Variants in GRIK2 observed in about 807,000 individuals in gnomAD.
GRIK2 encodes glutamate receptor ionotropic, kainate 2.
A neutral mutation model predicts 100.3 loss-of-function variants in GRIK2; 32 were observed. That is an observed-to-expected ratio of 0.32 (90% CI 0.24 to 0.43). The LOEUF (loss-of-function observed/expected upper bound fraction) is 0.43, where lower values mean the gene tolerates loss of function less well. Ranked by LOEUF, GRIK2 falls within the 20% of genes least tolerant of loss-of-function variation. The probability of loss-of-function intolerance (pLI) is 1.00; values close to 1 mark genes in which losing one functional copy is unlikely to be tolerated. For missense variants in GRIK2, 843 were observed against 1,114.9 expected (o/e 0.76, Z 3.47); for synonymous variants, 417 against 389.4 (o/e 1.07, Z -0.83).
At chr6:101,513,581 T>A (rs898596818) in intron 2 of GRIK2, among the ~76,000 whole-genome samples, 1 of 152,180 alleles carries the variant, frequency 6.6e-6, no homozygotes, top group Non-Finnish European at 1.5e-5. Context: ...TATTTTGATG[T>A]TCTTCTTTAT....
chr6:102,047,652 G>A (rs970179491), intron 15 of GRIK2, among the ~76,000 whole-genome samples: 2 of 151,874 alleles, frequency 1.3e-5, no homozygotes, highest in Admixed American at 1.3e-4. Context: ...AGGAGGGTGA[G>A]GCAGGAGAAT....
intron 10 of GRIK2, among the ~76,000 whole-genome samples, chr6:101,828,320 A>C (rs1304007844): frequency 6.6e-6 from 1 of 151,984 alleles, no homozygotes; most frequent in Non-Finnish European, 1.5e-5. Flanking sequence ...GCCTACATCA[A>C]GAAGATAGAA....
intron 4 of GRIK2, among the ~76,000 whole-genome samples, chr6:101,648,066 G>T (rs1180590874): frequency 6.6e-6 from 1 of 152,002 alleles, no homozygotes; most frequent in African/African-American, 2.4e-5. Flanking sequence ...ATGTCCCCTA[G>T]AGGCAACATC....
intron 7 of GRIK2, among the ~76,000 whole-genome samples, chr6:101,748,240 A>G (rs1562354339): frequency 6.6e-6 from 1 of 152,210 alleles, no homozygotes; most frequent in Non-Finnish European, 1.5e-5. Context: ...GAAGTAGACT[A>G]AGATGCATTC....
chr6:101,742,397 A>G (rs1314065502), intron 7 of GRIK2, among the ~76,000 whole-genome samples: 1 of 152,176 alleles, frequency 6.6e-6, no homozygotes, highest in African/African-American at 2.4e-5. Flanking sequence ...AGGTGTCAAC[A>G]AAAAGAGTCA....
intron 16 of GRIK2, among the ~76,000 whole-genome samples, chr6:102,057,670 A>G (rs1241464975): frequency 1.3e-5 from 2 of 151,890 alleles, no homozygotes; most frequent in Non-Finnish European, 2.9e-5. Context: ...AAAGAAATCC[A>G]AATTCCTTAG....
intron 14 of GRIK2, among the ~76,000 whole-genome samples, chr6:101,988,934 T>C (rs1204224241): frequency 6.6e-6 from 1 of 151,608 alleles, no homozygotes; most frequent in African/African-American, 2.4e-5. Flanking sequence ...AAAGTCTCAA[T>C]AAAGAGTGAA....
intron 15 of GRIK2, among the ~76,000 whole-genome samples, chr6:102,044,413 G>A (rs767968905): frequency 1.3e-5 from 2 of 151,924 alleles, no homozygotes; most frequent in Non-Finnish European, 2.9e-5. Context: ...TACCCAAGAC[G>A]GGATAAAAAG....
At chr6:101,483,062 C>A (rs1280571128) in intron 2 of GRIK2, among the ~76,000 whole-genome samples, 1 of 152,158 alleles carries the variant, frequency 6.6e-6, no homozygotes, top group Non-Finnish European at 1.5e-5. Context: ...TGTTGAAAAA[C>A]TTTACAAATA....
chr6:101,512,806 C>T lies in GRIK2; in HGVS notation c.116-109143C>T, dbSNP rs1258870791. 7.9e-5 allele frequency among the ~76,000 whole-genome samples: 12 copies of T among 151,720 alleles called. 1 individual carries two copies. The highest frequency in any genetic ancestry group is 6.2e-4 in the South Asian group (3 of 4,820). On this transcript the variant is annotated intron_variant, in intron 2 of 16. Transcript: ENST00000369134. ...TAAAGAATCATTATATTTTAAATGT[C>T]GTTTTCAAGAAATTCACTCCTTTAA...
At chr6:101,662,475 C>A (rs1769700916) in intron 4 of GRIK2, among the ~76,000 whole-genome samples, 1 of 152,120 alleles carries the variant, frequency 6.6e-6, no homozygotes, top group Non-Finnish European at 1.5e-5. Context: ...CTGATTGCAA[C>A]TATGAAACTC....
intron 2 of GRIK2, among the ~76,000 whole-genome samples, chr6:101,481,717 A>C (rs146246130): frequency 1.9e-3 from 282 of 152,222 alleles, no homozygotes; most frequent in Middle Eastern, 0.017. Flanking sequence ...TGCCATGTAG[A>C]AGTGCTTGGT....
chr6:101,760,349 A>T (rs1200758010), intron 7 of GRIK2, among the ~76,000 whole-genome samples: 1 of 84,988 alleles, frequency 1.2e-5, no homozygotes. Flanking sequence ...ATTATATATA[A>T]TTAATTATAT....
At chr6:101,794,291 C>A (rs60086103) in intron 7 of GRIK2, among the ~76,000 whole-genome samples, 1 of 151,922 alleles carries the variant, frequency 6.6e-6, no homozygotes, top group African/African-American at 2.4e-5. Context: ...GAAATCACCC[C>A]TCTTCTGCGT....
intron 10 of GRIK2, among the ~76,000 whole-genome samples, chr6:101,819,767 G>A (rs561095041): frequency 6.6e-6 from 1 of 152,128 alleles, no homozygotes; most frequent in East Asian, 1.9e-4. Context: ...TTCTGCCTGT[G>A]GCTTTCCTCC....
chr6:101,578,831 T>G (rs1193422485), intron 2 of GRIK2, among the ~76,000 whole-genome samples: 1 of 152,206 alleles, frequency 6.6e-6, no homozygotes, highest in Non-Finnish European at 1.5e-5. Context: ...ATTGAATATC[T>G]ACTATACATC....
chr6:101,699,362 C>T (rs1029258988), intron 7 of GRIK2, among the ~76,000 whole-genome samples: 2 of 152,078 alleles, frequency 1.3e-5, no homozygotes, highest in African/African-American at 4.8e-5. Flanking sequence ...ACTATTCCAG[C>T]TGTTTAGTTA....
intron 4 of GRIK2, among the ~76,000 whole-genome samples, chr6:101,669,449 T>TGA: frequency 6.6e-6 from 1 of 152,162 alleles, no homozygotes; most frequent in Non-Finnish European, 1.5e-5. Flanking sequence ...TCAATTATTT[T>TGA]GAGAGACTTA....
intron 15 of GRIK2, among the ~76,000 whole-genome samples, chr6:102,049,000 A>G (rs1771040553): frequency 1.3e-5 from 2 of 150,880 alleles, no homozygotes; most frequent in Non-Finnish European, 2.9e-5. Context: ...AAGGAAGAAC[A>G]AAAAGCATAT....
Sources: allele counts gnomAD v4.1 joint callset (sites outside exome capture counted in the v4.1 genomes callset), GRCh38; gene constraint gnomAD v4.1.1; transcripts MANE v1.5; gene names NCBI Gene and HGNC (gene_info 2026-07-23, HGNC 2026-07-21).